TBC1D22A: variants seen among roughly 807,000 people sequenced by gnomAD.
TBC1D22A encodes the protein putative GTPase activator.
Under a neutral mutation model 60.2 loss-of-function variants are expected in TBC1D22A, and 38 were observed. The observed-to-expected ratio is 0.63, with a 90% CI of 0.49 to 0.83. TBC1D22A has a LOEUF of 0.83. TBC1D22A is among the 40% of genes least tolerant of loss of function. TBC1D22A has a pLI of 0.00. For missense variants in TBC1D22A, 628 were observed against 701.0 expected, an observed-to-expected ratio of 0.90 and a Z score of 1.18; for synonymous variants, 302 against 281.7, an observed-to-expected ratio of 1.07 and a Z score of -0.72.
chr22:46,914,205 G>A (rs79372779), intron 8 of TBC1D22A: 14,703 of 152,200 alleles, frequency 0.097, 1,417 homozygotes, highest in African/African-American at 0.25. Context: ...GGAGGTTGAT[G>A]CAGATGAATC....
At chr22:47,133,768 G>A (rs1315385493) in intron 12 of TBC1D22A, among the ~76,000 whole-genome samples, 1 of 152,210 alleles carries the variant, frequency 6.6e-6, no homozygotes, top group Non-Finnish European at 1.5e-5. Context: ...GCCTGCGCGA[G>A]GCAGCTTTGC....
intron 12 of TBC1D22A, among the ~76,000 whole-genome samples, chr22:47,166,833 G>A (rs4621265): frequency 0.21 from 32,033 of 152,158 alleles, 4,382 homozygotes; most frequent in African/African-American, 0.39. Context: ...GAGGAGAGAG[G>A]CCGGGGTACA....
chr22:47,068,762 A>G (rs1045243817), intron 11 of TBC1D22A, among the ~76,000 whole-genome samples: 1 of 152,246 alleles, frequency 6.6e-6, no homozygotes, highest in Non-Finnish European at 1.5e-5. Flanking sequence ...TTAGAATAAA[A>G]GGAGACATGC....
intron 12 of TBC1D22A, among the ~76,000 whole-genome samples, chr22:47,153,187 C>T (rs1293409666): frequency 6.6e-6 from 1 of 152,150 alleles, no homozygotes; most frequent in Non-Finnish European, 1.5e-5. Context: ...ATAAAAGGCA[C>T]CTTTCCCTGC....
chr22:46,862,570 C>T (rs1254933336), intron 4 of TBC1D22A, among the ~76,000 whole-genome samples: 1 of 152,230 alleles, frequency 6.6e-6, no homozygotes, highest in Admixed American at 6.5e-5. Flanking sequence ...CACTGCTGTT[C>T]AGCCCCGGGA....
intron 12 of TBC1D22A, among the ~76,000 whole-genome samples, chr22:47,124,582 G>C (rs2066385559): frequency 6.6e-6 from 1 of 152,242 alleles, no homozygotes; most frequent in South Asian, 2.1e-4. Flanking sequence ...CATGCCTGGT[G>C]TGGAGTTGGC....
rs557572895 is a variant in TBC1D22A at position 47,062,526 on chromosome 22, C to T, written c.1329+25328C>T. ...ATACGGTGCATGGTGGTTCCTCTAG[C>T]GTGAGTGCCGTAGTGATTTCTACAG... On this transcript the variant is annotated intron_variant, in intron 11 of 12. Coordinates refer to ENST00000337137, the MANE Select transcript of TBC1D22A (RefSeq NM_014346.5). Among the ~76,000 whole-genome samples the T allele has an allele frequency of 4.6e-5, 7 of 152,240 alleles. 1 individual carries two copies. In the South Asian group the frequency reaches 1.0e-3, roughly 23 times the overall value.
At chr22:47,153,836 A>C (rs1431523884) in intron 12 of TBC1D22A, among the ~76,000 whole-genome samples, 1 of 152,176 alleles carries the variant, frequency 6.6e-6, no homozygotes, top group Non-Finnish European at 1.5e-5. Context: ...ATCAAGGTAA[A>C]GACCCACAAG....
chr22:46,974,321 C>T lies in TBC1D22A; in HGVS notation c.1047C>T (p.Ser349=), dbSNP rs777910076. The part of the protein sequence containing the change: ...EAEEVDTVDV[S]GVPAEVLCNI... ...AGGAGGTGGACACGGTGGACGTCTCCGGCGTGCCCGCAGAGGTGCTGTGCA... is the reference window on the plus strand; with the variant it reads ...AGGAGGTGGACACGGTGGACGTCTCTGGCGTGCCCGCAGAGGTGCTGTGCA... The change falls in exon 9 of 13, where the codon TCC becomes TCT. Residue 349 remains serine, a synonymous_variant. Coordinates refer to ENST00000337137, the MANE Select transcript of TBC1D22A (RefSeq NM_014346.5). 32 of 1,603,778 alleles carry T rather than the reference C, an allele frequency of 2.0e-5. No individual in the cohort carries two copies. The highest frequency in any genetic ancestry group is 2.7e-5 in the African/African-American group (2 of 74,752).
In TBC1D22A at chr22:47,050,652, C is replaced by T. The variant is rs573966124; in HGVS notation, c.1329+13454C>T. The stretch of plus-strand genomic sequence containing the variant: ...CCTTCTGCACAAAGTACAGGGTGGC[C>T]ACAGGAGACAGCTACTAAGAGCAGC... On this transcript the variant is annotated intron_variant, in intron 11 of 12. Coordinates refer to ENST00000337137, the MANE Select transcript of TBC1D22A (RefSeq NM_014346.5). 3.3e-5 allele frequency among the ~76,000 whole-genome samples: 5 copies of T among 152,116 alleles called. No homozygotes were observed. In the South Asian group the frequency reaches 1.0e-3, roughly 32 times the overall value.
chr22:46,854,437 T>C (rs1292099383), intron 4 of TBC1D22A, among the ~76,000 whole-genome samples: 1 of 152,168 alleles, frequency 6.6e-6, no homozygotes, highest in Non-Finnish European at 1.5e-5. Context: ...ACTTCCTGTT[T>C]ACATCATAGA....
chr22:46,817,200 A>T (rs1052188574), intron 4 of TBC1D22A, among the ~76,000 whole-genome samples: 1 of 151,354 alleles, frequency 6.6e-6, no homozygotes, highest in African/African-American at 2.4e-5. Context: ...GTGGGGCTGT[A>T]TTGGATGAGT....
At chr22:46,858,927 A>T (rs1179277508) in intron 4 of TBC1D22A, among the ~76,000 whole-genome samples, 2 of 152,258 alleles carry the variant, frequency 1.3e-5, no homozygotes, top group African/African-American at 2.4e-5. Context: ...TGATGAGAAA[A>T]AAAAGTCCCA....
chr22:46,786,739 A>T (rs1266830151), intron 1 of TBC1D22A, among the ~76,000 whole-genome samples: 1 of 152,078 alleles, frequency 6.6e-6, no homozygotes, highest in Non-Finnish European at 1.5e-5. Flanking sequence ...CCCACACTTA[A>T]GCGCAGTAGT....
intron 8 of TBC1D22A, among the ~76,000 whole-genome samples, chr22:46,949,573 G>A (rs889801927): frequency 2.0e-5 from 3 of 152,198 alleles, no homozygotes; most frequent in Non-Finnish European, 2.9e-5. Flanking sequence ...TAGAGCAAAT[G>A]GAGGCTTCAG....
At chr22:47,171,742 G>A (rs910633921) in intron 12 of TBC1D22A, among the ~76,000 whole-genome samples, 4 of 152,052 alleles carry the variant, frequency 2.6e-5, no homozygotes, top group East Asian at 1.9e-4. Context: ...GCTGTCAGGC[G>A]GTGGTCGTGG....
intron 10 of TBC1D22A, among the ~76,000 whole-genome samples, chr22:47,004,666 A>G (rs1237186991): frequency 1.4e-5 from 2 of 146,920 alleles, no homozygotes; most frequent in Non-Finnish European, 3.0e-5. Context: ...GCCTATATAC[A>G]CACACACCTA....
At chr22:46,935,271 T>C (rs1373094381) in intron 8 of TBC1D22A, among the ~76,000 whole-genome samples, 1 of 152,234 alleles carries the variant, frequency 6.6e-6, no homozygotes, top group Non-Finnish European at 1.5e-5. Context: ...ACGAAGCCCC[T>C]GTATTTCAGC....
intron 10 of TBC1D22A, among the ~76,000 whole-genome samples, chr22:47,027,817 C>T (rs1170063704): frequency 1.3e-5 from 2 of 152,158 alleles, no homozygotes; most frequent in Admixed American, 6.5e-5. Context: ...AAAGACTGGG[C>T]GAGCCTTCCA....
Sources: gnomAD v4.1 joint callset for allele counts (sites outside exome capture counted in the v4.1 genomes callset) on GRCh38, gnomAD v4.1.1 for gene constraint, MANE v1.5 for transcripts, NCBI Gene and HGNC (gene_info 2026-07-23, HGNC 2026-07-21) for gene names.